SORCS3: variants seen among roughly 807,000 people sequenced by gnomAD.
The protein encoded by SORCS3 is sortilin related VPS10 domain containing receptor 3.
In SORCS3, 57 loss-of-function variants were observed where a neutral mutation model predicts 146.3. That is an observed-to-expected ratio of 0.39 (90% CI 0.31 to 0.49). SORCS3 has a LOEUF of 0.49. SORCS3 is among the 20% of genes least tolerant of loss of function. The pLI is 0.92. For missense variants in SORCS3, 1,341 were observed against 1,575.5 expected, an observed-to-expected ratio of 0.85 and a Z score of 2.52; for synonymous variants, 653 against 618.5, an observed-to-expected ratio of 1.06 and a Z score of -0.83.
intron 20 of SORCS3, among the ~76,000 whole-genome samples, chr10:105,233,222 T>C (rs992658319): frequency 2.0e-5 from 3 of 151,956 alleles, no homozygotes; most frequent in African/African-American, 7.3e-5. Flanking sequence ...GTAGTGAGAG[T>C]GGCTTTTAGT....
chr10:105,182,355 A>G (rs1345594057), intron 14 of SORCS3, among the ~76,000 whole-genome samples: 1 of 150,234 alleles, frequency 6.7e-6, no homozygotes, highest in Non-Finnish European at 1.5e-5. Flanking sequence ...GCAGATGAGG[A>G]CACTGAGGCT....
chr10:104,641,697 A>G lies in SORCS3; in HGVS notation c.370A>G (p.Lys124Glu), dbSNP rs1430021937. Residue 124 changes from lysine (K) to glutamate (E), a missense_variant, in exon 1 of 27, where the codon AAG becomes GAG. Physicochemically the swap from Lys to Glu is moderately conservative, Grantham distance 56 (BLOSUM62 1). Transcript: ENST00000369701. This position sits in a 1 kb window ranked among gnomAD's most constrained non-coding sequence, Gnocchi z 6.4. ...GGGCCGGGGCATCCCAGCTCCTGCC[A>G]AGCTTGGCGGCGCGAGGAGGAGTCG... ...RRGRGIPAPA[K>E]LGGARRSRRA... 5.2e-6 allele frequency: 8 copies of G among 1,536,052 alleles called. No individual in the cohort carries two copies. Among genetic ancestry groups the G allele is most frequent in the Non-Finnish European group, 7.0e-6 (8 of 1,143,634 alleles).
rs10695210 is a variant in SORCS3, at chr10:105,129,332, T to TCTC, written c.1213-10065_1213-10064insCTC. On this transcript the variant is annotated intron_variant, in intron 7 of 26. Coordinates refer to ENST00000369701, the MANE Select transcript of SORCS3 (RefSeq NM_014978.3). ...TTTCTCTTTTCTTTCTTTCTTTCTC[T>TCTC]TTTTTTTTTTTTTTTTTTTTTTTTT... Among the ~76,000 whole-genome samples the TCTC allele has an allele frequency of 3.7e-3, 210 of 57,258 alleles. 4 individuals carry two copies. Among genetic ancestry groups the TCTC allele is most frequent in the South Asian group, 0.012 (21 of 1,792 alleles). The allele number at this position is 57,258 out of a possible 152,430, so 37.6% of individuals were successfully genotyped here.
chr10:105,172,829 T>C (rs960428451), intron 13 of SORCS3, among the ~76,000 whole-genome samples: 1 of 152,220 alleles, frequency 6.6e-6, no homozygotes, highest in African/African-American at 2.4e-5. Flanking sequence ...ACACTCACGG[T>C]GGCTTGATTA....
intron 5 of SORCS3, among the ~76,000 whole-genome samples, chr10:105,085,285 G>A (rs376112486): frequency 4.6e-5 from 7 of 152,244 alleles, no homozygotes; most frequent in African/African-American, 1.7e-4. Flanking sequence ...GAAGGTGGGC[G>A]GCGGCTTCCC....
intron 4 of SORCS3, among the ~76,000 whole-genome samples, chr10:105,037,178 A>G (rs2055312372): frequency 6.6e-6 from 1 of 152,130 alleles, no homozygotes; most frequent in Admixed American, 6.6e-5. Context: ...AATGTAGGCA[A>G]ATGAGGGTTT....
intron 1 of SORCS3, among the ~76,000 whole-genome samples, chr10:104,787,603 G>T (rs937994511): frequency 6.6e-6 from 1 of 152,086 alleles, no homozygotes; most frequent in Non-Finnish European, 1.5e-5. Flanking sequence ...GTGGAGCAGG[G>T]TGGGCAAGTG....
At chr10:104,648,521 C>T (rs1008443603) in intron 1 of SORCS3, among the ~76,000 whole-genome samples, 1 of 152,110 alleles carries the variant, frequency 6.6e-6, no homozygotes, top group Non-Finnish European at 1.5e-5. Flanking sequence ...TCCTTCTGTT[C>T]TGGGGCCATA....
At chr10:104,844,216 A>T (rs904457549) in intron 2 of SORCS3, among the ~76,000 whole-genome samples, 2 of 152,152 alleles carry the variant, frequency 1.3e-5, no homozygotes, top group Non-Finnish European at 2.9e-5. Context: ...TGAAAGCATG[A>T]CTATTTCCAC....
intron 5 of SORCS3, among the ~76,000 whole-genome samples, chr10:105,075,201 C>A (rs1200179071): frequency 6.6e-6 from 1 of 152,128 alleles, no homozygotes; most frequent in Non-Finnish European, 1.5e-5. Flanking sequence ...GCATGGAAAG[C>A]CCACATTACT....
Position 104,933,452 on chromosome 10 carries a change from G to T in SORCS3, c.795+17520G>T, listed in dbSNP as rs192852024. ...TGCTTCCAGAAGCTCAGAGCTCCCAGCAGAGTACCATGTGTGCATCATGTC... is the reference window on the plus strand; with the variant it reads ...TGCTTCCAGAAGCTCAGAGCTCCCATCAGAGTACCATGTGTGCATCATGTC... On this transcript the variant is annotated intron_variant, in intron 3 of 26. Transcript: ENST00000369701. Among the ~76,000 whole-genome samples, 444 of 152,232 alleles carry T rather than the reference G, an allele frequency of 2.9e-3. 2 individuals carry two copies. The highest frequency in any genetic ancestry group is 0.018 in the South Asian group (89 of 4,816).
rs145555190 is a variant in SORCS3, at chr10:105,258,060, C to A, written c.3443+1136C>A. On this transcript the variant is annotated intron_variant, in intron 25 of 26. Transcript: ENST00000369701. ...AAAGGTGCTTGACTCTTCCTGCCCCCCTTCTTCCTGCTTATCTCTCCTTTA... is the reference window on the plus strand; with the variant it reads ...AAAGGTGCTTGACTCTTCCTGCCCCACTTCTTCCTGCTTATCTCTCCTTTA... Among the ~76,000 whole-genome samples the A allele has an allele frequency of 9.1e-4, 138 of 152,286 alleles. 1 individual carries two copies. The highest frequency in any genetic ancestry group is 5.6e-3 in the South Asian group (27 of 4,822).
intron 1 of SORCS3, among the ~76,000 whole-genome samples, chr10:104,719,329 C>CGT: frequency 6.6e-6 from 1 of 152,250 alleles, no homozygotes; most frequent in East Asian, 1.9e-4. Context: ...CAGTGTCTAG[C>CGT]GTGTGTGTGC....
At position 104,978,004 on chromosome 10, in the gene SORCS3, A is replaced by G. The variant is rs186212269; in HGVS notation, c.954+511A>G. ...CTCGGCCTCCCAAAGTGCTGGGATT[A>G]CAGGCGTGAGTCACCGTATTTCACA... On this transcript the variant is annotated intron_variant, in intron 4 of 26. Transcript: ENST00000369701. Among the ~76,000 whole-genome samples the G allele has an allele frequency of 1.4e-4, 21 of 152,250 alleles. No individual in the cohort carries two copies. The East Asian group carries it at 3.9e-3, about 28-fold the overall frequency.
intron 1 of SORCS3, among the ~76,000 whole-genome samples, chr10:104,653,018 T>C (rs1201419949): frequency 6.6e-6 from 1 of 152,238 alleles, no homozygotes; most frequent in Admixed American, 6.5e-5. Flanking sequence ...CCACAGTGAA[T>C]GAAAATTAAT....
intron 2 of SORCS3, among the ~76,000 whole-genome samples, chr10:104,850,349 G>A (rs2018261652): frequency 2.0e-5 from 3 of 152,224 alleles, no homozygotes; most frequent in Admixed American, 2.0e-4. Context: ...TTGGGAGGCT[G>A]AGGCAAGCAG....
At chr10:105,048,876 A>C (rs1444571434) in intron 5 of SORCS3, among the ~76,000 whole-genome samples, 2 of 151,998 alleles carry the variant, frequency 1.3e-5, no homozygotes, top group Non-Finnish European at 2.9e-5. Context: ...TTAATGTTCT[A>C]TCCTTACAAT....
chr10:104,796,647 A>T (rs1589502662), intron 1 of SORCS3, among the ~76,000 whole-genome samples: 1 of 152,350 alleles, frequency 6.6e-6, no homozygotes, highest in East Asian at 1.9e-4. Context: ...GTTAAAAAAG[A>T]ATAGCCAATT....
Position 105,012,177 on chromosome 10 carries a change from A to G in SORCS3, c.955-30878A>G, listed in dbSNP as rs1182400433. On this transcript the variant is annotated intron_variant, in intron 4 of 26. Coordinates refer to ENST00000369701, the MANE Select transcript of SORCS3 (RefSeq NM_014978.3). ...TTTAAGCGCATAGAAGGGATGAAGCATCATGGCACCCATACTTGTGTTTCC... is the reference window on the plus strand; with the variant it reads ...TTTAAGCGCATAGAAGGGATGAAGCGTCATGGCACCCATACTTGTGTTTCC... Among the ~76,000 whole-genome samples the G allele has an allele frequency of 4.6e-5, 7 of 152,302 alleles. No homozygotes were observed. In the East Asian group the frequency reaches 1.4e-3, roughly 29 times the overall value.
Sources: gnomAD v4.1 joint callset for allele counts (sites outside exome capture counted in the v4.1 genomes callset) on GRCh38, gnomAD v4.1.1 for gene constraint, Gnocchi (gnomAD v3.1) non-coding constraint, MANE v1.5 for transcripts, NCBI Gene and HGNC (gene_info 2026-07-23, HGNC 2026-07-21) for gene names.